ARHGAP20: variants seen among roughly 807,000 people sequenced by gnomAD.
ARHGAP20 encodes Rho GTPase activating protein 20, also known as rho GTPase-activating protein 20.
A neutral mutation model predicts 73.7 loss-of-function variants in ARHGAP20; 34 were observed. That is an observed-to-expected ratio of 0.46 (90% CI 0.35 to 0.61). The LOEUF is 0.61. ARHGAP20 is among the 20% of genes least tolerant of loss of function. The pLI, the probability that ARHGAP20 is intolerant of heterozygous loss-of-function variation, is 0.00. For missense variants in ARHGAP20, 1,314 were observed against 1,420.9 expected (o/e 0.92, Z 1.21); for synonymous variants, 523 against 518.2 (o/e 1.01, Z -0.13).
intron 9 of ARHGAP20, among the ~76,000 whole-genome samples, chr11:110,594,519 C>T (rs1369146422): frequency 6.6e-6 from 1 of 152,160 alleles, no homozygotes; most frequent in African/African-American, 2.4e-5. Context: ...ACCTACTCTC[C>T]ATGTGGTTTC....
At chr11:110,707,938 T>A (rs1950579320) in intron 1 of ARHGAP20, among the ~76,000 whole-genome samples, 1 of 151,804 alleles carries the variant, frequency 6.6e-6, no homozygotes, top group African/African-American at 2.4e-5. Context: ...CTCTTTAGAT[T>A]TAAATTCAAG....
At chr11:110,582,539 G>C in intron 13 of ARHGAP20, 104 bp from the exon 14 acceptor site, 1 of 691,296 alleles carries the variant, frequency 1.4e-6, no homozygotes, top group Non-Finnish European at 2.4e-6. Context: ...CATCTACCCA[G>C]AGAAAAATTC....
At chr11:110,638,487 G>A (rs1949014614) in intron 2 of ARHGAP20, among the ~76,000 whole-genome samples, 1 of 151,974 alleles carries the variant, frequency 6.6e-6, no homozygotes. Flanking sequence ...GTAGTCTTAG[G>A]TAAGAGATGT....
At chr11:110,584,844 C>CAT (rs142469054) in intron 12 of ARHGAP20, among the ~76,000 whole-genome samples, 24,760 of 149,094 alleles carry the variant, frequency 0.17, 2,551 homozygotes, top group East Asian at 0.31. Flanking sequence ...ATTTCTGATT[C>CAT]ATATATATAT....
rs140926719 is a variant in ARHGAP20 at position 110,657,497 on chromosome 11, G to A, written c.189-26705C>T. On this transcript the variant is annotated intron_variant, in intron 2 of 14. Coordinates refer to ENST00000683387, the MANE Select transcript of ARHGAP20 (RefSeq NM_001384657.1). ...AAATAGGATGATCTGGCCAAGAAAA[G>A]TATCACAAGGCATAAGCTGAACTGA... 2.2e-3 allele frequency among the ~76,000 whole-genome samples: 330 copies of A among 152,182 alleles called. 1 individual carries two copies. Among genetic ancestry groups the A allele is most frequent in the Admixed American group, 5.0e-3 (77 of 15,278 alleles).
At chr11:110,662,041 G>A (rs1949624423) in intron 2 of ARHGAP20, among the ~76,000 whole-genome samples, 1 of 151,932 alleles carries the variant, frequency 6.6e-6, no homozygotes, top group African/African-American at 2.4e-5. Context: ...GGGAAGAAAA[G>A]TATCTCTATG....
intron 14 of ARHGAP20, 106 bp downstream of exon 14, chr11:110,582,215 C>T: frequency 1.1e-6 from 1 of 932,632 alleles, no homozygotes; most frequent in Non-Finnish European, 1.7e-6. Context: ...TCAGAGGCTC[C>T]TTTCACTTCA....
At chr11:110,659,721 G>A (rs1591149522) in intron 2 of ARHGAP20, among the ~76,000 whole-genome samples, 2 of 152,100 alleles carry the variant, frequency 1.3e-5, no homozygotes, top group Admixed American at 1.3e-4. Context: ...ATACTACGCA[G>A]CCATAAAAAA....
intron 12 of ARHGAP20, among the ~76,000 whole-genome samples, chr11:110,584,811 T>C (rs1377771901): frequency 6.6e-6 from 1 of 151,834 alleles, no homozygotes; most frequent in African/African-American, 2.4e-5. Flanking sequence ...TTTGTTTGTA[T>C]TTATTTGCAA....
rs1376644995 is a variant in ARHGAP20, at chr11:110,712,287, C to G, written c.-56G>C. ...GGAGGAGGCTACACGATCATGTCCG[C>G]GGGCTGCCGGCCGGAGGGGCGAGGA... On this transcript the variant is annotated 5_prime_UTR_variant, in exon 1 of 15. Transcript: ENST00000683387. 1.6e-5 allele frequency: 20 copies of G among 1,249,496 alleles called. No homozygotes were observed. Among genetic ancestry groups the G allele is most frequent in the South Asian group, 3.2e-5 (1 of 31,220 alleles). The allele number at this position is 1,249,496 out of a possible 1,614,324, so 77.4% of individuals were successfully genotyped here.
At position 110,592,121 on chromosome 11, in the gene ARHGAP20, A is replaced by T. The variant is rs1263876483; in HGVS notation, c.999T>A (p.Ser333=). The change falls in exon 10 of 15, where the codon TCT becomes TCA. Residue 333 remains serine (S), a synonymous_variant. Coordinates refer to ENST00000683387, the MANE Select transcript of ARHGAP20 (RefSeq NM_001384657.1). ...CTCGCCAGAAGGCCCAGTTTATGAT[A>T]GATCTTCTCCTTTTAAATGTCTTAT... ...SGHKTFKRRR[S]IINWAFWRGS... 1 of 1,614,074 alleles carries T rather than the reference A, an allele frequency of 6.2e-7. No individual in the cohort carries two copies. Among genetic ancestry groups the T allele is most frequent in the Non-Finnish European group, 8.5e-7 (1 of 1,179,936 alleles).
At position 110,577,180 on chromosome 11, in the gene ARHGAP20, A is replaced by T; in HGVS notation, c.*2190T>A. On this transcript the variant is annotated 3_prime_UTR_variant, in exon 15 of 15. Transcript: ENST00000683387. ...GCAAGTACAAAAATACACATTTATT[A>T]CATAACATATGGTAGTAAAATTTGT... The T allele has an allele frequency of 6.5e-7, 1 of 1,532,944 alleles. No individual in the cohort carries two copies. The highest frequency in any genetic ancestry group is 1.2e-5 in the South Asian group (1 of 83,360). 95.0% of individuals were successfully genotyped at this position (1,532,944 alleles called of 1,614,324 possible).
At chr11:110,588,215 C>T (rs1317253608) in intron 11 of ARHGAP20, among the ~76,000 whole-genome samples, 3 of 152,200 alleles carry the variant, frequency 2.0e-5, no homozygotes, top group Non-Finnish European at 1.5e-5. Context: ...CTGCAATCAC[C>T]AGCTCACAGC....
At chr11:110,606,502 CTT>C in intron 9 of ARHGAP20, 57 bp downstream of exon 9, 1 of 1,540,802 alleles carries the variant, frequency 6.5e-7, no homozygotes. Flanking sequence ...AGGTTTGAGT[CTT>C]TGCCTTTGTA....
At chr11:110,628,203 T>C (rs975208700) in intron 3 of ARHGAP20, among the ~76,000 whole-genome samples, 1 of 152,216 alleles carries the variant, frequency 6.6e-6, no homozygotes, top group Non-Finnish European at 1.5e-5. Flanking sequence ...GATGAGCTGA[T>C]GTAATATGGA....
rs764287595 is a variant in ARHGAP20, at chr11:110,581,151, G to A, written c.1795C>T (p.Pro599Ser). 6.2e-7 allele frequency: 1 copy of A among 1,614,170 alleles called. No homozygotes were observed. Among genetic ancestry groups the A allele is most frequent in the Non-Finnish European group, 8.5e-7 (1 of 1,180,030 alleles). Residue 599 changes from proline to serine, a missense_variant, in exon 15 of 15, where the codon CCA becomes TCA. Pro to Ser is a moderately conservative substitution (Grantham distance 74). Around this residue, in one of 3 missense-constraint regions of ARHGAP20, gnomAD observed 230 missense variants for 317.6 expected, o/e 0.72. Transcript: ENST00000683387. ...ENELNEDVDA[P>S]CSDLVKKLGQ... ...AGTTTCTTTACCAAGTCACTGCATG[G>A]TGCATCAACATCCTCATTTAGCTCA...
chr11:110,641,436 A>G (rs1210179278), intron 2 of ARHGAP20, among the ~76,000 whole-genome samples: 2 of 152,088 alleles, frequency 1.3e-5, no homozygotes, highest in East Asian at 3.9e-4. Context: ...CATTATCAAG[A>G]AGGAAAGGAA....
intron 2 of ARHGAP20, among the ~76,000 whole-genome samples, chr11:110,664,596 C>T (rs564017483): frequency 4.4e-4 from 67 of 151,514 alleles, no homozygotes; most frequent in African/African-American, 1.6e-3. Context: ...GGCGTTGTGG[C>T]GGGTGCCTGT....
At chr11:110,651,759 A>AAT (rs1565459540) in intron 2 of ARHGAP20, among the ~76,000 whole-genome samples, 1 of 151,724 alleles carries the variant, frequency 6.6e-6, no homozygotes, top group African/African-American at 2.4e-5. Context: ...AAAAAAAAAA[A>AAT]AATAAAACCC....
Sources: allele counts gnomAD v4.1 joint callset (sites outside exome capture counted in the v4.1 genomes callset), GRCh38; gene constraint gnomAD v4.1.1; regional missense constraint gnomAD v4.1.1; transcripts MANE v1.5; gene names NCBI Gene and HGNC (gene_info 2026-07-23, HGNC 2026-07-21).